The following FOXK1 variants were observed in gnomAD, a reference collection of about 807,000 sequenced individuals.
FOXK1 encodes forkhead box K1.
A neutral mutation model predicts 51.9 loss-of-function variants in FOXK1; 19 were observed. The observed-to-expected ratio is 0.37, with a 90% confidence interval of 0.26 to 0.54. The LOEUF (loss-of-function observed/expected upper bound fraction) is 0.54. Ranked by LOEUF, FOXK1 falls within the 20% of genes least tolerant of loss-of-function variation. The pLI, the probability that FOXK1 is intolerant of heterozygous loss-of-function variation, is 0.87. For missense variants in FOXK1, 870 were observed against 1,032.7 expected, an observed-to-expected ratio of 0.84 and a Z score of 2.16; for synonymous variants, 537 against 482.6, an observed-to-expected ratio of 1.11 and a Z score of -1.48.
At chr7:4,693,530 G>A (rs1320071256) in intron 1 of FOXK1, among the ~76,000 whole-genome samples, 1 of 152,182 alleles carries the variant, frequency 6.6e-6, no homozygotes, top group Admixed American at 6.5e-5. Flanking sequence ...GATTTAGGGT[G>A]GCACGATTCA....
chr7:4,755,422 C>T lies in FOXK1; in HGVS notation c.1050+39C>T, dbSNP rs1373208963. 4 of 1,604,444 alleles carry T rather than the reference C, an allele frequency of 2.5e-6. No homozygotes were observed. The highest frequency in any genetic ancestry group is 2.7e-5 in the African/African-American group (2 of 74,754). ...CCCAGGGCCGGATCGCCTCTGAAGGCCCTTAGAACATGGAACTCACAGGCA... is the reference window on the plus strand; with the variant it reads ...CCCAGGGCCGGATCGCCTCTGAAGGTCCTTAGAACATGGAACTCACAGGCA... On this transcript the variant is annotated intron_variant, in intron 4 of 8. Coordinates refer to ENST00000328914, the MANE Select transcript of FOXK1 (RefSeq NM_001037165.2). This position sits in a 1 kb window ranked among gnomAD's most constrained non-coding sequence, Gnocchi z 6.6.
chr7:4,753,761 C>T lies in FOXK1; in HGVS notation c.747-698C>T, dbSNP rs550625074. Among the ~76,000 whole-genome samples, 16 of 152,332 alleles carry T rather than the reference C, an allele frequency of 1.1e-4. No individual in the cohort carries two copies. Among genetic ancestry groups the T allele is most frequent in the African/African-American group, 3.1e-4 (13 of 41,586 alleles). On this transcript the variant is annotated intron_variant, in intron 2 of 8. Coordinates refer to ENST00000328914, the MANE Select transcript of FOXK1 (RefSeq NM_001037165.2). The surrounding 1 kb of genome is among the most constrained non-coding windows in gnomAD (Gnocchi z 4.9). ...AGAGCACACCCCTCAGCCGGACGGACGCAGCCTCCTGCCTGTGGTCCCGGC... is the reference window on the plus strand; with the variant it reads ...AGAGCACACCCCTCAGCCGGACGGATGCAGCCTCCTGCCTGTGGTCCCGGC...
chr7:4,727,779 G>A (rs1267662892), intron 1 of FOXK1, among the ~76,000 whole-genome samples: 2 of 152,250 alleles, frequency 1.3e-5, no homozygotes, highest in Non-Finnish European at 2.9e-5. Context: ...CGCGCACGGA[G>A]GAAACACTTT....
intron 1 of FOXK1, among the ~76,000 whole-genome samples, chr7:4,684,243 C>T (rs548891454): frequency 6.6e-5 from 10 of 152,292 alleles, no homozygotes; most frequent in Admixed American, 4.6e-4. Flanking sequence ...GTTTATATTT[C>T]TTCAATGTGG....
At chr7:4,704,773 C>A (rs1455869314) in intron 1 of FOXK1, among the ~76,000 whole-genome samples, 1 of 151,120 alleles carries the variant, frequency 6.6e-6, no homozygotes, top group Non-Finnish European at 1.5e-5. Context: ...CACTGTGTTG[C>A]CCAGGCTGGT....
rs149985341 is a variant in FOXK1 at position 4,766,870 on chromosome 7, TGAGA to T, written c.*4415_*4418del. ...AAAGCCCCGGGTGAGGGCTCCGTCT[TGAGA>T]GAGAGAGAAATCCCTTCTTTGGGCG... is the stretch of plus-strand genomic sequence containing the variant. On this transcript the variant is annotated 3_prime_UTR_variant, in exon 9 of 9. Transcript: ENST00000328914. This position sits in a 1 kb window ranked among gnomAD's most constrained non-coding sequence, Gnocchi z 5.5. 2.6e-5 allele frequency: 4 copies of T among 152,254 alleles called. No individual in the cohort carries two copies. The highest frequency in any genetic ancestry group is 3.9e-4 in the East Asian group (2 of 5,180). The allele number at this position is 152,254 out of a possible 1,614,324, so 9.4% of individuals were successfully genotyped here.
At chr7:4,699,284 AG>A (rs1202921265) in intron 1 of FOXK1, among the ~76,000 whole-genome samples, 1 of 134,824 alleles carries the variant, frequency 7.4e-6, no homozygotes, top group African/African-American at 2.9e-5. Flanking sequence ...CCACAGGGTT[AG>A]TTTTTTTTTT....
chr7:4,683,814 T>G lies in FOXK1; in HGVS notation c.560+946T>G, dbSNP rs893283068. 6.6e-6 allele frequency among the ~76,000 whole-genome samples: 1 copy of G among 152,072 alleles called. No homozygotes were observed. Among genetic ancestry groups the G allele is most frequent in the Non-Finnish European group, 1.5e-5 (1 of 67,994 alleles). Reference sequence around the variant, plus strand: ...ACTCACCCAGGACAGTGGGAGGGTGTTGCTCCGGGAAGTGCGAGGTCCCTA... The same window carrying G: ...ACTCACCCAGGACAGTGGGAGGGTGGTGCTCCGGGAAGTGCGAGGTCCCTA... On this transcript the variant is annotated intron_variant, in intron 1 of 8. Transcript: ENST00000328914. The surrounding 1 kb of genome is among the most constrained non-coding windows in gnomAD (Gnocchi z 4.5).
chr7:4,703,466 G>A lies in FOXK1; in HGVS notation c.560+20598G>A, dbSNP rs1315461891. 1.3e-5 allele frequency among the ~76,000 whole-genome samples: 2 copies of A among 152,196 alleles called. No homozygotes were observed. The highest frequency in any genetic ancestry group is 2.9e-5 in the Non-Finnish European group (2 of 68,038). ...GGCGTCCAGCACAGGGCAGGGTCCTGGTGTCCTCGCCCCACAAGGCTCCCC... is the reference window on the plus strand; with the variant it reads ...GGCGTCCAGCACAGGGCAGGGTCCTAGTGTCCTCGCCCCACAAGGCTCCCC... On this transcript the variant is annotated intron_variant, in intron 1 of 8. Coordinates refer to ENST00000328914, the MANE Select transcript of FOXK1 (RefSeq NM_001037165.2). The surrounding 1 kb of genome is among the most constrained non-coding windows in gnomAD (Gnocchi z 5.6).
intron 5 of FOXK1, 44 bp downstream of exon 5, chr7:4,757,231 G>A: frequency 2.0e-6 from 3 of 1,530,782 alleles, no homozygotes; most frequent in Admixed American, 3.8e-5. Flanking sequence ...TAGGAAAGCT[G>A]AGCTGCCCTG....
At position 4,748,306 on chromosome 7, in the gene FOXK1, G is replaced by T. The variant is rs1034694501; in HGVS notation, c.747-6153G>T. 6.6e-6 allele frequency among the ~76,000 whole-genome samples: 1 copy of T among 152,246 alleles called. No homozygotes were observed. The highest frequency in any genetic ancestry group is 1.5e-5 in the Non-Finnish European group (1 of 68,024). ...TTCCGTTTTAGATATTACACATGAG[G>T]TTCCTATATGGAAATTAAGGATTTA... On this transcript the variant is annotated intron_variant, in intron 2 of 8. Coordinates refer to ENST00000328914, the MANE Select transcript of FOXK1 (RefSeq NM_001037165.2). The surrounding 1 kb of genome is among the most constrained non-coding windows in gnomAD (Gnocchi z 4.9).
At chr7:4,695,898 T>C (rs186433291) in intron 1 of FOXK1, among the ~76,000 whole-genome samples, 4 of 149,170 alleles carry the variant, frequency 2.7e-5, no homozygotes, top group African/African-American at 7.5e-5. Context: ...ATGGTGCCAT[T>C]GCACTCCAGT....
intron 1 of FOXK1, among the ~76,000 whole-genome samples, chr7:4,738,458 G>C (rs1238742684): frequency 1.3e-5 from 2 of 151,314 alleles, no homozygotes; most frequent in African/African-American, 4.9e-5. Flanking sequence ...AAAGAAAAAA[G>C]AAAATGGGTG....
In FOXK1 at chr7:4,747,523, G is replaced by A. The variant is rs1286102423; in HGVS notation, c.746+6500G>A. The stretch of plus-strand genomic sequence containing the variant: ...TGCTGGTTCCAATTTGGGTTTGGGG[G>A]GTTGATTTTGTTTTTGTTTGTTTGT... On this transcript the variant is annotated intron_variant, in intron 2 of 8. Coordinates refer to ENST00000328914, the MANE Select transcript of FOXK1 (RefSeq NM_001037165.2). The surrounding 1 kb of genome is among the most constrained non-coding windows in gnomAD (Gnocchi z 9.2). Among the ~76,000 whole-genome samples, 2 of 152,052 alleles carry A rather than the reference G, an allele frequency of 1.3e-5. No individual in the cohort carries two copies.
chr7:4,759,041 T>G lies in FOXK1; in HGVS notation c.1245-10T>G. 1 of 1,580,386 alleles carries G rather than the reference T, an allele frequency of 6.3e-7. No homozygotes were observed. Among genetic ancestry groups the G allele is most frequent in the Non-Finnish European group, 8.6e-7 (1 of 1,167,266 alleles). ...GGCGCTGACTGCCGCGGCCCTTGCC[T>G]GTCTTCCAGGAGCGCTCCAGCTTCG... On this transcript the variant is annotated splice_polypyrimidine_tract_variant and intron_variant, in intron 5 of 8. Transcript: ENST00000328914.
rs1336555024 is a variant in FOXK1, at chr7:4,729,473, TGTGAACACCGAGG to T, written c.561-11361_561-11349del. Among the ~76,000 whole-genome samples, 1 of 152,088 alleles carries T rather than the reference TGTGAACACCGAGG, an allele frequency of 6.6e-6. No homozygotes were observed. The highest frequency in any genetic ancestry group is 6.5e-5 in the Admixed American group (1 of 15,276). ...GAAGGTGGGGGGATTTTGAAGGAGCTGTGAACACCGAGGGTGCCGTCCTCGCCTGTGCTGCCAT... is the reference window on the plus strand; with the variant it reads ...GAAGGTGGGGGGATTTTGAAGGAGCTGTGCCGTCCTCGCCTGTGCTGCCAT... On this transcript the variant is annotated intron_variant, in intron 1 of 8. Transcript: ENST00000328914. This position sits in a 1 kb window ranked among gnomAD's most constrained non-coding sequence, Gnocchi z 6.2.
intron 1 of FOXK1, among the ~76,000 whole-genome samples, chr7:4,720,478 T>C (rs576209967): frequency 6.6e-6 from 1 of 152,306 alleles, no homozygotes; most frequent in East Asian, 1.9e-4. Flanking sequence ...TTTTTCATTC[T>C]GTGTGAGCCC....
intron 1 of FOXK1, among the ~76,000 whole-genome samples, chr7:4,728,730 G>GAA (rs67143977): frequency 0.049 from 5,083 of 103,656 alleles, 145 homozygotes; most frequent in Non-Finnish European, 0.063. Context: ...GTCTCTTTTT[G>GAA]AAAAAAAAAA....
At chr7:4,692,364 C>T (rs376305404) in intron 1 of FOXK1, among the ~76,000 whole-genome samples, 244 of 152,228 alleles carry the variant, frequency 1.6e-3, no homozygotes, top group African/African-American at 5.6e-3. Flanking sequence ...TCCTTGAGAC[C>T]TCACTAAAAC....
Sources: allele counts gnomAD v4.1 joint callset (sites outside exome capture counted in the v4.1 genomes callset), GRCh38; gene constraint gnomAD v4.1.1; non-coding constraint Gnocchi (gnomAD v3.1); transcripts MANE v1.5; gene names NCBI Gene and HGNC (gene_info 2026-07-23, HGNC 2026-07-21).